The following PSMG2 variants were observed in gnomAD, a reference collection of about 807,000 sequenced individuals.
The protein encoded by PSMG2 is proteasome assembly chaperone 2.
PSMG2 carries 21 observed loss-of-function variants against 31.5 expected under a neutral mutation model. The observed-to-expected ratio is 0.67, with a 90% CI of 0.47 to 0.96. The LOEUF is 0.96. PSMG2 is among the 40% of genes least tolerant of loss of function. The pLI, the probability that PSMG2 is intolerant of heterozygous loss-of-function variation, is 0.00. For synonymous variants in PSMG2, 120 were observed against 110.4 expected (o/e 1.09, Z -0.54); for missense variants, 318 against 321.2 (o/e 0.99, Z 0.08).
chr18:12,720,658 A>G lies in PSMG2; in HGVS notation c.556A>G (p.Ile186Val), dbSNP rs760648574. The change falls in exon 5 of 7, where the codon ATC becomes GTC. Residue 186 changes from isoleucine to valine, a missense_variant. Physicochemically the swap from Ile to Val is conservative, Grantham distance 29. Coordinates refer to ENST00000317615, the MANE Select transcript of PSMG2 (RefSeq NM_020232.5). Reference sequence around the variant, plus strand: ...TTGTATCCGCATTCCGGGAGGAGGTATCACAAAAACACTCTATGATGAAAG... The same window carrying G: ...TTGTATCCGCATTCCGGGAGGAGGTGTCACAAAAACACTCTATGATGAAAG... Reference protein sequence around the residue: ...EFCIRIPGGGITKTLYDESCS... With the variant: ...EFCIRIPGGGVTKTLYDESCS... 9.9e-6 allele frequency: 16 copies of G among 1,612,332 alleles called. 1 individual carries two copies. The South Asian group carries it at 1.8e-4, about 18-fold the overall frequency.
chr18:12,725,138 G>A (rs1224261678), intron 6 of PSMG2, among the ~76,000 whole-genome samples: 1 of 152,068 alleles, frequency 6.6e-6, no homozygotes, highest in Non-Finnish European at 1.5e-5. Flanking sequence ...CTTTTGCCAA[G>A]AACAAATTGA....
At chr18:12,693,146 G>A (rs980762454) in intron 1 of PSMG2, among the ~76,000 whole-genome samples, 2 of 152,092 alleles carry the variant, frequency 1.3e-5, no homozygotes, top group African/African-American at 4.8e-5. Context: ...ATTTTAAAGA[G>A]AAAATTAGAA....
intron 3 of PSMG2, among the ~76,000 whole-genome samples, chr18:12,716,426 C>T (rs1002098829): frequency 1.4e-5 from 2 of 146,396 alleles, no homozygotes; most frequent in African/African-American, 2.5e-5. Flanking sequence ...CGGAGTCTCG[C>T]CCTGTTGCGC....
intron 1 of PSMG2, chr18:12,685,973 T>A (rs115508818): frequency 1.3e-3 from 320 of 244,734 alleles, no homozygotes; most frequent in African/African-American, 7.0e-3. Context: ...CACATCCTCC[T>A]ATATACTTTA....
chr18:12,703,438 T>C (rs969588338), intron 1 of PSMG2, among the ~76,000 whole-genome samples: 3 of 152,224 alleles, frequency 2.0e-5, no homozygotes, highest in African/African-American at 7.2e-5. Context: ...ACACTGTACT[T>C]ATGTTTTGCA....
chr18:12,676,279 CTTTTTT>C (rs1157897766), intron 1 of PSMG2, among the ~76,000 whole-genome samples: 3 of 106,430 alleles, frequency 2.8e-5, no homozygotes, highest in East Asian at 5.8e-4. Flanking sequence ...ACAGTAATTC[CTTTTTT>C]TTTTTTTTTT....
chr18:12,698,930 C>T (rs2040055198), upstream of PSMG2: 3 of 1,297,532 alleles, frequency 2.3e-6, no homozygotes, highest in Admixed American at 2.1e-5. Context: ...CACAATAAAA[C>T]ATAACAAAGA....
At chr18:12,663,026 G>A (rs2038729330) in intron 1 of PSMG2, among the ~76,000 whole-genome samples, 1 of 152,134 alleles carries the variant, frequency 6.6e-6, no homozygotes, top group East Asian at 1.9e-4. Flanking sequence ...ACTTGGAAAA[G>A]ACCTCATAAA....
intron 1 of PSMG2, among the ~76,000 whole-genome samples, chr18:12,663,013 T>G (rs928017650): frequency 6.6e-6 from 1 of 152,188 alleles, no homozygotes; most frequent in Non-Finnish European, 1.5e-5. Context: ...TTAAGAAGAT[T>G]TGACTTGGAA....
chr18:12,691,967 C>T (rs1223240839), intron 1 of PSMG2, among the ~76,000 whole-genome samples: 1 of 152,076 alleles, frequency 6.6e-6, no homozygotes, highest in Non-Finnish European at 1.5e-5. Flanking sequence ...GATCCGCCCG[C>T]CTTGGCCTCC....
At chr18:12,682,000 AAAAAAAAG>A (rs1187236410) in intron 1 of PSMG2, among the ~76,000 whole-genome samples, 1 of 151,984 alleles carries the variant, frequency 6.6e-6, no homozygotes, top group African/African-American at 2.4e-5. Flanking sequence ...TGTCTCTAAA[AAAAAAAAG>A]AAAAAAAGAA....
chr18:12,715,895 C>A (rs2145145125), intron 3 of PSMG2, among the ~76,000 whole-genome samples: 1 of 152,300 alleles, frequency 6.6e-6, no homozygotes. Flanking sequence ...ATGCAGTAAA[C>A]CCTCTGTGAA....
At chr18:12,679,854 G>T (rs2145010602) in intron 1 of PSMG2, among the ~76,000 whole-genome samples, 1 of 152,080 alleles carries the variant, frequency 6.6e-6, no homozygotes, top group Non-Finnish European at 1.5e-5. Context: ...CTTGAGCCCA[G>T]GAGTTCAAGA....
chr18:12,673,624 A>G, intron 1 of PSMG2: 3 of 699,176 alleles, frequency 4.3e-6, no homozygotes, highest in Non-Finnish European at 6.6e-6. Context: ...TCATGCCTGT[A>G]ATCCCAGCAC....
chr18:12,700,788 T>G (rs1283962999), upstream of PSMG2, among the ~76,000 whole-genome samples: 1 of 152,128 alleles, frequency 6.6e-6, no homozygotes, highest in Non-Finnish European at 1.5e-5. Context: ...AACTATTCAG[T>G]ATATTCAAGG....
rs760433005 is a variant in PSMG2 at position 12,680,615 on chromosome 18, AAAC to A, written c.-37+21843_-37+21845del. 2.6e-5 allele frequency: 36 copies of A among 1,399,868 alleles called. No homozygotes were observed. The Middle Eastern group carries it at 5.6e-4, about 22-fold the overall frequency. 86.7% of individuals were successfully genotyped at this position (1,399,868 alleles called of 1,614,324 possible). On this transcript the variant is annotated intron_variant, in intron 1 of 6. Transcript: ENST00000585331. Reference sequence around the variant, plus strand: ...CCATCTCAAAAAAAAAAAAAAAAAAAAACTTATAACTTCATTTTAATATCCTTA... The same window carrying A: ...CCATCTCAAAAAAAAAAAAAAAAAAATTATAACTTCATTTTAATATCCTTA...
intron 1 of PSMG2, chr18:12,673,033 C>G: frequency 9.9e-7 from 1 of 1,015,082 alleles, no homozygotes; most frequent in South Asian, 4.1e-5. Flanking sequence ...ACAAACATCT[C>G]TTTGATTACC....
chr18:12,705,564 A>AGT (rs1384396060), intron 1 of PSMG2, among the ~76,000 whole-genome samples: 3 of 127,020 alleles, frequency 2.4e-5, no homozygotes, highest in African/African-American at 6.1e-5. Context: ...AGAGAGAGAG[A>AGT]GAGAGAGAGA....
At chr18:12,698,644 A>G (rs372040487), upstream of PSMG2, 11 of 200,026 alleles carry the variant, frequency 5.5e-5, no homozygotes, top group East Asian at 4.7e-4. Context: ...CAATCTGGTT[A>G]TATTTTATAA....
Sources: gnomAD v4.1 joint callset for allele counts (sites outside exome capture counted in the v4.1 genomes callset) on GRCh38, gnomAD v4.1.1 for gene constraint, MANE v1.5 for transcripts, NCBI Gene and HGNC (gene_info 2026-07-23, HGNC 2026-07-21) for gene names.